DYNC2H1: variants seen among roughly 807,000 people sequenced by gnomAD.
DYNC2H1 encodes the protein cytoplasmic dynein 2 heavy chain 1.
DYNC2H1 carries 410 observed loss-of-function variants against 570.0 expected under a neutral mutation model. That is an observed-to-expected ratio of 0.72 (90% CI 0.66 to 0.78). DYNC2H1 has a LOEUF of 0.78. DYNC2H1 is among the 30% of genes least tolerant of loss of function. The pLI, the probability that DYNC2H1 is intolerant of heterozygous loss-of-function variation, is 0.00. For missense variants in DYNC2H1, 4,865 were observed against 5,046.4 expected (o/e 0.96, Z 1.09); for synonymous variants, 1,688 against 1,677.6 (o/e 1.01, Z -0.15).
At chr11:103,198,724 A>G (rs930548547) in intron 48 of DYNC2H1, among the ~76,000 whole-genome samples, 1 of 152,136 alleles carries the variant, frequency 6.6e-6, no homozygotes, top group South Asian at 2.1e-4. Context: ...TGTAAAGTCT[A>G]ATTTTCCTTT....
chr11:103,127,558 G>A (rs369907418), intron 12 of DYNC2H1, among the ~76,000 whole-genome samples: 2 of 152,158 alleles, frequency 1.3e-5, no homozygotes, highest in African/African-American at 4.8e-5. Context: ...TATAAAATTA[G>A]TTAAGAAATA....
intron 78 of DYNC2H1, among the ~76,000 whole-genome samples, chr11:103,310,136 G>C (rs996973136): frequency 6.6e-6 from 1 of 151,924 alleles, no homozygotes; most frequent in African/African-American, 2.4e-5. Context: ...TTAGTTGTCA[G>C]AGTTGTTTAA....
At chr11:103,443,641 A>C (rs536430956) in intron 85 of DYNC2H1, among the ~76,000 whole-genome samples, 4 of 148,040 alleles carry the variant, frequency 2.7e-5, no homozygotes, top group Admixed American at 2.7e-4. Flanking sequence ...TTGGTAATCT[A>C]TGTCAGTGAT....
At chr11:103,404,498 A>G (rs1942779314) in intron 84 of DYNC2H1, 1 of 149,270 alleles carries the variant, frequency 6.7e-6, no homozygotes, top group African/African-American at 2.5e-5. Flanking sequence ...ATGAGATAAT[A>G]TTTCATATGG....
intron 47 of DYNC2H1, among the ~76,000 whole-genome samples, chr11:103,193,517 GTTTTCTTTTTCTTTTCTT>G (rs903952947): frequency 2.6e-5 from 4 of 151,500 alleles, no homozygotes; most frequent in African/African-American, 7.3e-5. Flanking sequence ...TCAGTGAAAG[GTTTTCTTTTTCTTTTCTT>G]TTTTCTTTTT....
chr11:103,181,588 T>C lies in DYNC2H1; in HGVS notation c.6348-169T>C, dbSNP rs1487289022. Among the ~76,000 whole-genome samples the C allele has an allele frequency of 6.6e-6, 1 of 151,718 alleles. No homozygotes were observed. The highest frequency in any genetic ancestry group is 1.5e-5 in the Non-Finnish European group (1 of 67,732). On this transcript the variant is annotated intron_variant, in intron 39 of 88. Coordinates refer to ENST00000375735, the MANE Select transcript of DYNC2H1 (RefSeq NM_001377.3). The surrounding 1 kb of genome is among the most constrained non-coding windows in gnomAD (Gnocchi z 5.0). Reference sequence around the variant, plus strand: ...ATGTGTATGTATACACACACACAGATGTAATTGTATTATTCACACATACTC... The same window carrying C: ...ATGTGTATGTATACACACACACAGACGTAATTGTATTATTCACACATACTC...
chr11:103,468,804 C>A, intron 88 of DYNC2H1, 99 bp downstream of exon 88: 1 of 909,368 alleles, frequency 1.1e-6, no homozygotes, highest in Non-Finnish European at 1.6e-6. Context: ...TTTTTGTTTG[C>A]TTTCTAATCT....
At chr11:103,316,666 ATC>A in intron 80 of DYNC2H1, 46 bp downstream of exon 80, 1 of 1,350,044 alleles carries the variant, frequency 7.4e-7, no homozygotes, top group East Asian at 2.7e-5. Flanking sequence ...AAAATATTTT[ATC>A]TGAGGTCTTA....
intron 70 of DYNC2H1, among the ~76,000 whole-genome samples, chr11:103,279,758 G>A (rs1866058433): frequency 6.6e-6 from 1 of 152,024 alleles, no homozygotes; most frequent in African/African-American, 2.4e-5. Context: ...AGTTTTTTCT[G>A]TATTATCTAA....
intron 75 of DYNC2H1, among the ~76,000 whole-genome samples, chr11:103,296,477 G>A (rs1246667544): frequency 1.3e-5 from 2 of 152,142 alleles, no homozygotes; most frequent in East Asian, 3.9e-4. Context: ...AGTTGTCCCT[G>A]TATTTAGCAC....
intron 83 of DYNC2H1, among the ~76,000 whole-genome samples, chr11:103,382,070 CT>C (rs918100915): frequency 2.0e-5 from 3 of 151,812 alleles, no homozygotes; most frequent in Non-Finnish European, 2.9e-5. Context: ...AAGGTCAGTT[CT>C]TGTTTTAAAA....
intron 47 of DYNC2H1, among the ~76,000 whole-genome samples, chr11:103,197,185 T>C (rs193075721): frequency 3.9e-5 from 6 of 152,166 alleles, no homozygotes; most frequent in African/African-American, 1.4e-4. Context: ...CTATGTCCTT[T>C]CTCAAGGAGA....
intron 28 of DYNC2H1, among the ~76,000 whole-genome samples, chr11:103,160,250 T>C (rs1464712719): frequency 6.6e-6 from 1 of 152,122 alleles, no homozygotes; most frequent in Non-Finnish European, 1.5e-5. Flanking sequence ...ATTCAAGTTT[T>C]TTATATACTA....
chr11:103,233,796 G>C (rs1475014902), intron 60 of DYNC2H1, among the ~76,000 whole-genome samples: 1 of 150,720 alleles, frequency 6.6e-6, no homozygotes, highest in Non-Finnish European at 1.5e-5. Context: ...CGGAGGCCCT[G>C]TCAAGTTTTT....
intron 13 of DYNC2H1, among the ~76,000 whole-genome samples, chr11:103,132,215 C>T (rs573512669): frequency 5.5e-4 from 83 of 152,028 alleles, no homozygotes; most frequent in Non-Finnish European, 4.3e-4. Context: ...ATTACATAAA[C>T]TCTCTTGATT....
chr11:103,235,243 TTAATA>T (rs1864176913), intron 61 of DYNC2H1, among the ~76,000 whole-genome samples: 1 of 151,924 alleles, frequency 6.6e-6, no homozygotes, highest in South Asian at 2.1e-4. Context: ...CTTCTTTCCT[TTAATA>T]TAACTACTCT....
intron 85 of DYNC2H1, among the ~76,000 whole-genome samples, chr11:103,451,529 T>C (rs61904791): frequency 0.25 from 38,419 of 151,756 alleles, 5,027 homozygotes; most frequent in Admixed American, 0.33. Flanking sequence ...GACGGGGTTT[T>C]GCCATGTTGG....
At chr11:103,479,000 A>G in intron 88 of DYNC2H1, 95 bp from the exon 89 acceptor site, 1 of 1,323,352 alleles carries the variant, frequency 7.6e-7, no homozygotes, top group South Asian at 1.5e-5. Flanking sequence ...AACATTTCAT[A>G]ATATAATATT....
At chr11:103,409,380 TG>T (rs1392918516) in intron 84 of DYNC2H1, among the ~76,000 whole-genome samples, 1 of 150,602 alleles carries the variant, frequency 6.6e-6, no homozygotes, top group Non-Finnish European at 1.5e-5. Context: ...TCCAACGTAA[TG>T]TTAGGAGTTC....
Sources: allele counts gnomAD v4.1 joint callset (sites outside exome capture counted in the v4.1 genomes callset), GRCh38; gene constraint gnomAD v4.1.1; non-coding constraint Gnocchi (gnomAD v3.1); transcripts MANE v1.5; gene names NCBI Gene and HGNC (gene_info 2026-07-23, HGNC 2026-07-21).